The following GNA14 variants were observed in gnomAD, a reference collection of about 807,000 sequenced individuals.
The protein encoded by GNA14 is G protein subunit alpha 14, also known as guanine nucleotide-binding protein subunit alpha-14.
Under a neutral mutation model 42.0 loss-of-function variants are expected in GNA14, and 50 were observed. The ratio of observed to expected loss-of-function variants is 1.19; its 90% CI spans 0.95 to 1.51. The LOEUF (loss-of-function observed/expected upper bound fraction) is 1.51, where lower values mean the gene tolerates loss of function less well. GNA14 is among the 40% of genes most tolerant of loss of function. The probability of loss-of-function intolerance (pLI) is 0.00; values close to 1 mark genes in which losing one functional copy is unlikely to be tolerated. For synonymous variants in GNA14, 173 were observed against 163.1 expected, an observed-to-expected ratio of 1.06 and a Z score of -0.46; for missense variants, 473 against 446.2, an observed-to-expected ratio of 1.06 and a Z score of -0.54.
intron 1 of GNA14, among the ~76,000 whole-genome samples, chr9:77,544,098 A>G (rs1206107748): frequency 6.6e-6 from 1 of 152,238 alleles, no homozygotes; most frequent in Non-Finnish European, 1.5e-5. Flanking sequence ...CACATAATCT[A>G]GACATCTTTG....
intron 1 of GNA14, among the ~76,000 whole-genome samples, chr9:77,573,227 T>C (rs1823085734): frequency 6.6e-6 from 1 of 152,078 alleles, no homozygotes; most frequent in Admixed American, 6.6e-5. Flanking sequence ...GGCAGGTGGA[T>C]CACCCGAGGT....
At chr9:77,634,088 T>A (rs1824140175) in intron 1 of GNA14, among the ~76,000 whole-genome samples, 1 of 152,136 alleles carries the variant, frequency 6.6e-6, no homozygotes, top group South Asian at 2.1e-4. Context: ...TGGTTACATA[T>A]CAAAATCTTA....
intron 2 of GNA14, among the ~76,000 whole-genome samples, chr9:77,500,065 C>CA (rs1836940335): frequency 6.7e-6 from 1 of 150,364 alleles, no homozygotes; most frequent in Non-Finnish European, 1.5e-5. Context: ...TCTTGTTGCT[C>CA]AGGCTGGAGT....
intron 2 of GNA14, among the ~76,000 whole-genome samples, chr9:77,510,590 A>C (rs1028483582): frequency 1.3e-5 from 2 of 152,190 alleles, no homozygotes; most frequent in Non-Finnish European, 2.9e-5. Flanking sequence ...CCTGAACATG[A>C]TGGGAGTACC....
chr9:77,575,694 C>A (rs573969779), intron 1 of GNA14, among the ~76,000 whole-genome samples: 1 of 151,764 alleles, frequency 6.6e-6, no homozygotes, highest in African/African-American at 2.4e-5. Context: ...CTATTTTAGA[C>A]GTAAATCCAT....
chr9:77,479,635 T>C (rs1397881588), intron 2 of GNA14, among the ~76,000 whole-genome samples: 3 of 152,164 alleles, frequency 2.0e-5, no homozygotes, highest in East Asian at 3.9e-4. Context: ...TTTCACGACC[T>C]TGGGCAGTAT....
At chr9:77,636,955 A>G (rs533128600) in intron 1 of GNA14, among the ~76,000 whole-genome samples, 34 of 152,368 alleles carry the variant, frequency 2.2e-4, no homozygotes, top group Non-Finnish European at 3.2e-4. Context: ...AAGTCCATTA[A>G]TAGAAGCATA....
At position 77,618,607 on chromosome 9, in the gene GNA14, TATATA is replaced by T. The variant is rs1823866124; in HGVS notation, c.124+29058_124+29062del. Among the ~76,000 whole-genome samples the T allele has an allele frequency of 2.4e-4, 4 of 16,352 alleles. 1 individual carries two copies. The highest frequency in any genetic ancestry group is 4.9e-4 in the African/African-American group (2 of 4,088). 10.7% of individuals were successfully genotyped at this position (16,352 alleles called of 152,430 possible). A position where few individuals can be genotyped will look rare whatever the true frequency, so the allele number is the denominator to read the frequency against. ...ATATATATATATATATATATATATA[TATATA>T]TATATATATTTTTTTTTTTTTTTTT... is the stretch of plus-strand genomic sequence containing the variant. On this transcript the variant is annotated intron_variant, in intron 1 of 6. Transcript: ENST00000341700.
intron 1 of GNA14, among the ~76,000 whole-genome samples, chr9:77,621,674 TA>T (rs1480822708): frequency 3.9e-4 from 60 of 152,328 alleles, no homozygotes; most frequent in Non-Finnish European, 7.5e-4. Flanking sequence ...TGAAGATGGT[TA>T]GGGGAAGCTC....
chr9:77,518,694 T>C (rs1029073800), intron 2 of GNA14, among the ~76,000 whole-genome samples: 1 of 152,224 alleles, frequency 6.6e-6, no homozygotes. Flanking sequence ...TGGTGTTTTC[T>C]TAAAAGAAAA....
At chr9:77,540,600 GTCTA>G (rs1794627064) in intron 1 of GNA14, among the ~76,000 whole-genome samples, 1 of 152,110 alleles carries the variant, frequency 6.6e-6, no homozygotes, top group African/African-American at 2.4e-5. Flanking sequence ...TTGTACTGGA[GTCTA>G]TCTCTCTCTT....
At chr9:77,528,424 T>G (rs1043866459) in intron 2 of GNA14, among the ~76,000 whole-genome samples, 2 of 152,168 alleles carry the variant, frequency 1.3e-5, no homozygotes, top group Non-Finnish European at 2.9e-5. Context: ...CATATAAAAT[T>G]TTACTTCCTC....
At chr9:77,583,939 T>C (rs1430641874) in intron 1 of GNA14, among the ~76,000 whole-genome samples, 1 of 152,192 alleles carries the variant, frequency 6.6e-6, no homozygotes, top group African/African-American at 2.4e-5. Context: ...GATGCTCCAT[T>C]GATCTGCAGG....
chr9:77,627,475 A>T (rs1185391282), intron 1 of GNA14, among the ~76,000 whole-genome samples: 1 of 152,206 alleles, frequency 6.6e-6, no homozygotes. Flanking sequence ...CCTGATGAAC[A>T]TCAATGCGAA....
chr9:77,549,318 C>T (rs1002595828), intron 1 of GNA14, among the ~76,000 whole-genome samples: 8 of 152,182 alleles, frequency 5.3e-5, no homozygotes, highest in Non-Finnish European at 2.9e-5. Flanking sequence ...GGTCTGATAC[C>T]AGATCCATTC....
intron 2 of GNA14, among the ~76,000 whole-genome samples, chr9:77,488,482 AAACTCTGCTCTGT>A (rs1836698262): frequency 6.6e-6 from 1 of 152,192 alleles, no homozygotes; most frequent in Non-Finnish European, 1.5e-5. Context: ...ACCACCATGG[AAACTCTGCTCTGT>A]AACTCAGCCA....
chr9:77,542,088 C>T (rs1837667730), intron 1 of GNA14, among the ~76,000 whole-genome samples: 1 of 152,044 alleles, frequency 6.6e-6, no homozygotes, highest in South Asian at 2.1e-4. Context: ...TTGGAGGTGT[C>T]CTATTACCTT....
intron 2 of GNA14, among the ~76,000 whole-genome samples, chr9:77,491,476 A>G (rs1278163362): frequency 6.6e-6 from 1 of 152,216 alleles, no homozygotes; most frequent in Non-Finnish European, 1.5e-5. Context: ...AAGAAATTCT[A>G]TGCAAATGAA....
Position 77,623,216 on chromosome 9 carries a change from C to CAA in GNA14, c.124+24452_124+24453dup, listed in dbSNP as rs34368561. On this transcript the variant is annotated intron_variant, in intron 1 of 6. Coordinates refer to ENST00000341700, the MANE Select transcript of GNA14 (RefSeq NM_004297.4). ...TGGGCAAAAGAGTGAGACGCTGTCTCAAAAAAAAAAAAAAAAAAAAAAAAA... is the reference window on the plus strand; with the variant it reads ...TGGGCAAAAGAGTGAGACGCTGTCTCAAAAAAAAAAAAAAAAAAAAAAAAAAA... 1.8e-3 allele frequency among the ~76,000 whole-genome samples: 48 copies of CAA among 26,852 alleles called. 7 individuals are homozygous for CAA. Among genetic ancestry groups the CAA allele is most frequent in the Non-Finnish European group, 4.1e-3 (32 of 7,782 alleles). 17.6% of individuals were successfully genotyped at this position (26,852 alleles called of 152,430 possible).
Sources: gnomAD v4.1 joint callset for allele counts (sites outside exome capture counted in the v4.1 genomes callset) on GRCh38, gnomAD v4.1.1 for gene constraint, MANE v1.5 for transcripts, NCBI Gene and HGNC (gene_info 2026-07-23, HGNC 2026-07-21) for gene names.